The following LCORL variants were observed in gnomAD, a reference collection of about 807,000 sequenced individuals.
LCORL encodes the protein ligand dependent nuclear receptor corepressor like.
Under a neutral mutation model 141.8 loss-of-function variants are expected in LCORL, and 41 were observed. The observed-to-expected ratio is 0.29, with a 90% CI of 0.23 to 0.38. The LOEUF (loss-of-function observed/expected upper bound fraction) is 0.38. LCORL is among the 10% of genes least tolerant of loss of function. The probability of loss-of-function intolerance (pLI) is 1.00; values close to 1 mark genes in which losing one functional copy is unlikely to be tolerated. For synonymous variants in LCORL, 618 were observed against 694.1 expected (o/e 0.89, Z 1.72); for missense variants, 1,759 against 2,035.0 (o/e 0.86, Z 2.61).
intron 5 of LCORL, among the ~76,000 whole-genome samples, chr4:17,896,725 A>G (rs972418429): frequency 1.3e-5 from 2 of 152,192 alleles, no homozygotes; most frequent in Non-Finnish European, 2.9e-5. Context: ...TTTGTGTTGC[A>G]AACAATATAA....
intron 2 of LCORL, among the ~76,000 whole-genome samples, chr4:17,972,239 A>C (rs1392183440): frequency 6.6e-6 from 1 of 151,864 alleles, no homozygotes; most frequent in Non-Finnish European, 1.5e-5. Flanking sequence ...CATTTAAAAA[A>C]TGTTTTACAA....
chr4:17,920,013 C>T (rs1337795152), intron 4 of LCORL, among the ~76,000 whole-genome samples: 1 of 152,224 alleles, frequency 6.6e-6, no homozygotes, highest in Non-Finnish European at 1.5e-5. Context: ...CACTCCATTC[C>T]CCATGCCTTG....
chr4:17,994,729 G>GA (rs11430332), intron 1 of LCORL, among the ~76,000 whole-genome samples: 36,795 of 151,412 alleles, frequency 0.24, 5,822 homozygotes, highest in African/African-American at 0.45. Flanking sequence ...TGAGTAAAGA[G>GA]AAAAGAGTTG....
exon 8 of LCORL, chr4:17,841,306 C>T (rs1242081106): frequency 6.6e-6 from 1 of 151,934 alleles, no homozygotes; most frequent in Admixed American, 6.6e-5. Context: ...CTAATAATCC[C>T]ACCCATGAGC....
At chr4:17,958,265 C>CTAAGT (rs1292817777) in intron 4 of LCORL, among the ~76,000 whole-genome samples, 1 of 151,396 alleles carries the variant, frequency 6.6e-6, no homozygotes, top group African/African-American at 2.4e-5. Context: ...TACGTGAATG[C>CTAAGT]TAAGCATGTG....
intron 4 of LCORL, among the ~76,000 whole-genome samples, chr4:17,921,023 T>A (rs1734208729): frequency 6.6e-6 from 1 of 152,162 alleles, no homozygotes; most frequent in South Asian, 2.1e-4. Context: ...GTTCTTTTTT[T>A]AATTTATTTT....
intron 4 of LCORL, among the ~76,000 whole-genome samples, chr4:17,923,889 C>T (rs1435983868): frequency 1.3e-5 from 2 of 152,022 alleles, no homozygotes; most frequent in Non-Finnish European, 2.9e-5. Flanking sequence ...TTCTTTGTCA[C>T]CAATTTCCCA....
exon 5 of LCORL, chr4:17,909,311 T>A (rs142884615): frequency 2.5e-6 from 4 of 1,608,058 alleles, no homozygotes; most frequent in Non-Finnish European, 3.4e-6. Flanking sequence ...CCTGAGCAAC[T>A]AGGGGAATGT....
intron 1 of LCORL, among the ~76,000 whole-genome samples, chr4:17,974,740 CT>C (rs1284090900): frequency 2.6e-5 from 4 of 152,080 alleles, no homozygotes; most frequent in African/African-American, 4.8e-5. Flanking sequence ...TTGGAGCTCT[CT>C]TTGTGGTAAA....
intron 2 of LCORL, among the ~76,000 whole-genome samples, chr4:17,967,220 C>T (rs1715066062): frequency 6.6e-6 from 1 of 151,898 alleles, no homozygotes; most frequent in African/African-American, 2.4e-5. Flanking sequence ...CTTTAGAGAC[C>T]ATAAAAAAAT....
At chr4:17,972,399 T>C (rs974753678) in intron 2 of LCORL, among the ~76,000 whole-genome samples, 2 of 151,724 alleles carry the variant, frequency 1.3e-5, no homozygotes, top group African/African-American at 2.4e-5. Context: ...AAAGTAAAAA[T>C]GGGTGATAGC....
exon 7 of LCORL, chr4:17,876,467 T>C: frequency 8.1e-7 from 1 of 1,230,900 alleles, no homozygotes. Flanking sequence ...TTATTGTATC[T>C]TCCAAACGCT....
intron 4 of LCORL, among the ~76,000 whole-genome samples, chr4:17,945,415 T>A (rs1225537076): frequency 1.3e-5 from 2 of 151,976 alleles, no homozygotes; most frequent in African/African-American, 2.4e-5. Context: ...ATTGGGGTTT[T>A]TTTTTTTACA....
At chr4:17,949,902 T>A (rs1412024348) in intron 4 of LCORL, among the ~76,000 whole-genome samples, 2 of 152,154 alleles carry the variant, frequency 1.3e-5, no homozygotes, top group Non-Finnish European at 2.9e-5. Flanking sequence ...AGTGAGGCTG[T>A]AGCAGCACTC....
chr4:17,922,721 G>A (rs765781951), intron 4 of LCORL, among the ~76,000 whole-genome samples: 4 of 152,156 alleles, frequency 2.6e-5, no homozygotes, highest in Non-Finnish European at 4.4e-5. Context: ...TAGTGTTAAA[G>A]TGAGGGCAGT....
intron 7 of LCORL, among the ~76,000 whole-genome samples, chr4:17,850,463 C>A (rs1681372440): frequency 1.3e-5 from 2 of 152,116 alleles, no homozygotes; most frequent in South Asian, 4.1e-4. Context: ...AAAAAGTGGG[C>A]AAAGGACATG....
At chr4:18,011,752 A>G (rs1723835304) in intron 1 of LCORL, among the ~76,000 whole-genome samples, 2 of 152,196 alleles carry the variant, frequency 1.3e-5, no homozygotes, top group Non-Finnish European at 2.9e-5. Flanking sequence ...CTTTTGGACT[A>G]CAACAGTGGA....
At chr4:17,843,321 C>T (rs1384731634) in exon 8 of LCORL, 2 of 1,611,490 alleles carry the variant, frequency 1.2e-6, no homozygotes, top group Admixed American at 1.7e-5. Flanking sequence ...AGTTCCAGAA[C>T]CAGAATCAGA....
At chr4:17,951,266 A>G (rs1458039647) in intron 4 of LCORL, among the ~76,000 whole-genome samples, 1 of 152,228 alleles carries the variant, frequency 6.6e-6, no homozygotes, top group Non-Finnish European at 1.5e-5. Flanking sequence ...TGTTTACACT[A>G]TAGTACATGT....
Sources: allele counts gnomAD v4.1 joint callset (sites outside exome capture counted in the v4.1 genomes callset), GRCh38; gene constraint gnomAD v4.1.1; transcripts MANE v1.5; gene names NCBI Gene and HGNC (gene_info 2026-07-23, HGNC 2026-07-21).